PDE8A: variants seen among roughly 807,000 people sequenced by gnomAD.
PDE8A encodes the protein high affinity cAMP-specific and IBMX-insensitive 3',5'-cyclic phosphodiesterase 8A.
PDE8A carries 59 observed loss-of-function variants against 105.0 expected under a neutral mutation model. That is an observed-to-expected ratio of 0.56 (90% CI 0.46 to 0.70). The LOEUF (loss-of-function observed/expected upper bound fraction) is 0.70, where lower values mean the gene tolerates loss of function less well. PDE8A is among the 30% of genes least tolerant of loss of function. PDE8A has a pLI of 0.00. For missense variants in PDE8A, 1,014 were observed against 1,045.9 expected, an observed-to-expected ratio of 0.97 and a Z score of 0.42; for synonymous variants, 355 against 371.9, an observed-to-expected ratio of 0.95 and a Z score of 0.52.
At chr15:85,004,382 C>T (rs928097115) in intron 1 of PDE8A, among the ~76,000 whole-genome samples, 3 of 152,136 alleles carry the variant, frequency 2.0e-5, no homozygotes, top group African/African-American at 7.2e-5. Flanking sequence ...AGAAACTGTC[C>T]CAATCAGACT....
chr15:85,108,990 T>C, intron 11 of PDE8A, 63 bp from the exon 12 acceptor site: 2 of 1,171,030 alleles, frequency 1.7e-6, no homozygotes, highest in Non-Finnish European at 2.5e-6. Flanking sequence ...TTTAGATTGG[T>C]AACCTTCCTT....
At position 85,138,971 on chromosome 15, in the gene PDE8A, T is replaced by A. The variant is rs1249972729; in HGVS notation, c.*1068T>A. The A allele has an allele frequency of 6.6e-6, 1 of 152,220 alleles. No homozygotes were observed. The highest frequency in any genetic ancestry group is 1.5e-5 in the Non-Finnish European group (1 of 68,040). 9.4% of individuals were successfully genotyped at this position (152,220 alleles called of 1,614,324 possible). A position where few individuals can be genotyped will look rare whatever the true frequency, so the allele number is the denominator to read the frequency against. Reference sequence around the variant, plus strand: ...AACCTGTTTTTATCTACGGTGGGAATCTTTGATGCCAGAAATTTATAAAGA... The same window carrying A: ...AACCTGTTTTTATCTACGGTGGGAAACTTTGATGCCAGAAATTTATAAAGA... On this transcript the variant is annotated 3_prime_UTR_variant, in exon 22 of 22. Transcript: ENST00000394553.
chr15:85,015,591 C>A lies in PDE8A; in HGVS notation c.186+33243C>A, dbSNP rs375212487. ...AGCAGTGTATCAGAAAGTATTATTT[C>A]TCTACTGCCTTGCCATAGAATATTT... is the stretch of plus-strand genomic sequence containing the variant. On this transcript the variant is annotated intron_variant, in intron 1 of 21. Coordinates refer to ENST00000394553, the MANE Select transcript of PDE8A (RefSeq NM_002605.3). Among the ~76,000 whole-genome samples the A allele has an allele frequency of 4.6e-5, 7 of 152,174 alleles. No homozygotes were observed. In the East Asian group the frequency reaches 9.6e-4, roughly 21 times the overall value.
At chr15:85,099,896 T>G in intron 9 of PDE8A, 119 bp from the exon 10 acceptor site, 1 of 752,606 alleles carries the variant, frequency 1.3e-6, no homozygotes, top group Admixed American at 2.4e-5. Flanking sequence ...AGAAGAAATG[T>G]TCTCAGAGCG....
intron 1 of PDE8A, among the ~76,000 whole-genome samples, chr15:84,995,093 C>A (rs2142162335): frequency 6.6e-6 from 1 of 152,098 alleles, no homozygotes; most frequent in East Asian, 1.9e-4. Context: ...CAGTGAAATG[C>A]ACAAATATTT....
At chr15:84,993,750 G>T (rs2079930388) in intron 1 of PDE8A, among the ~76,000 whole-genome samples, 1 of 151,968 alleles carries the variant, frequency 6.6e-6, no homozygotes, top group Admixed American at 6.6e-5. Flanking sequence ...AATTAGCTGG[G>T]CATGGTGGTG....
intron 20 of PDE8A, among the ~76,000 whole-genome samples, chr15:85,134,300 C>T (rs1253966729): frequency 1.3e-5 from 2 of 152,234 alleles, no homozygotes; most frequent in Admixed American, 1.3e-4. Flanking sequence ...CCAGAGAGAG[C>T]TGGCTTAGGG....
intron 3 of PDE8A, among the ~76,000 whole-genome samples, chr15:85,075,228 C>T (rs1253431757): frequency 1.3e-5 from 2 of 152,206 alleles, no homozygotes; most frequent in Non-Finnish European, 2.9e-5. Context: ...AAGTCTTGTA[C>T]TCTTTGGGTA....
intron 5 of PDE8A, among the ~76,000 whole-genome samples, chr15:85,080,230 CT>C (rs1441674179): frequency 6.6e-6 from 1 of 152,120 alleles, no homozygotes; most frequent in Non-Finnish European, 1.5e-5. Flanking sequence ...GTGTTTCCCC[CT>C]TTTTGGACAA....
chr15:85,115,264 A>G, intron 14 of PDE8A, 175 bp from the exon 15 acceptor site: 1 of 563,814 alleles, frequency 1.8e-6, no homozygotes, highest in African/African-American at 2.0e-5. Flanking sequence ...CTCTCCAGTA[A>G]GTGACTGAGG....
chr15:85,063,169 C>T (rs897034918), intron 1 of PDE8A: 1 of 152,166 alleles, frequency 6.6e-6, no homozygotes, highest in African/African-American at 2.4e-5. Context: ...CCCATAATTA[C>T]TAGACATCAG....
chr15:85,086,488 A>G (rs1431090890), intron 6 of PDE8A, among the ~76,000 whole-genome samples: 1 of 152,244 alleles, frequency 6.6e-6, no homozygotes, highest in African/African-American at 2.4e-5. Context: ...AATCAATTGA[A>G]AAATGATCAA....
intron 1 of PDE8A, among the ~76,000 whole-genome samples, chr15:85,009,764 C>T (rs796671778): frequency 6.6e-6 from 1 of 152,170 alleles, no homozygotes; most frequent in African/African-American, 2.4e-5. Context: ...GTTCTCTCAC[C>T]ACCAGTTCTA....
intron 1 of PDE8A, among the ~76,000 whole-genome samples, chr15:85,004,193 C>T (rs936725783): frequency 1.3e-5 from 2 of 152,140 alleles, no homozygotes; most frequent in East Asian, 1.9e-4. Flanking sequence ...TCCCCTTTGC[C>T]ATGCATAATA....
intron 5 of PDE8A, among the ~76,000 whole-genome samples, chr15:85,080,898 C>T (rs2081454523): frequency 6.6e-6 from 1 of 152,208 alleles, no homozygotes; most frequent in African/African-American, 2.4e-5. Flanking sequence ...AAAAGCTTTA[C>T]AGTAGTCACT....
At chr15:85,053,226 T>C (rs957939891) in intron 1 of PDE8A, among the ~76,000 whole-genome samples, 3 of 152,242 alleles carry the variant, frequency 2.0e-5, no homozygotes, top group Non-Finnish European at 4.4e-5. Context: ...TACTGTAGCC[T>C]TGCAGTATAG....
chr15:85,092,337 TG>T, intron 8 of PDE8A, among the ~76,000 whole-genome samples: 1 of 151,928 alleles, frequency 6.6e-6, no homozygotes, highest in Admixed American at 6.6e-5. Flanking sequence ...TGTTTTTTTT[TG>T]TTTTGTTTCG....
rs2081189677 is a variant in PDE8A, at chr15:85,064,405, A to T, written c.222A>T (p.Arg74Ser). 1.9e-6 allele frequency: 3 copies of T among 1,609,470 alleles called. No homozygotes were observed. Among genetic ancestry groups the T allele is most frequent in the Non-Finnish European group, 2.6e-6 (3 of 1,176,144 alleles). ...CTGATGTGCAGTTTGGCCCCATGAG[A>T]TTTCATCAAGATCAACTTCAGGTAA... is the stretch of plus-strand genomic sequence containing the variant. ...AVADVQFGPM[R>S]FHQDQLQVLL... Residue 74 changes from arginine (R) to serine (S), a missense_variant, in exon 2 of 22, where the codon AGA becomes AGT. Arg to Ser is a moderately radical substitution (Grantham distance 110). Coordinates refer to ENST00000394553, the MANE Select transcript of PDE8A (RefSeq NM_002605.3).
chr15:85,064,441 T>A lies in PDE8A; in HGVS notation c.243+15T>A, dbSNP rs766172579. ...ATCAACTTCAGGTAATAATGAACGATGCTGTATTTTTCACATGCTGATTTT... is the reference window on the plus strand; with the variant it reads ...ATCAACTTCAGGTAATAATGAACGAAGCTGTATTTTTCACATGCTGATTTT... On this transcript the variant is annotated intron_variant, in intron 2 of 21. Coordinates refer to ENST00000394553, the MANE Select transcript of PDE8A (RefSeq NM_002605.3). 2 of 1,566,684 alleles carry A rather than the reference T, an allele frequency of 1.3e-6. No individual in the cohort carries two copies. The highest frequency in any genetic ancestry group is 4.5e-5 in the East Asian group (2 of 44,508).
Sources: gnomAD v4.1 joint callset for allele counts (sites outside exome capture counted in the v4.1 genomes callset) on GRCh38, gnomAD v4.1.1 for gene constraint, MANE v1.5 for transcripts, NCBI Gene and HGNC (gene_info 2026-07-23, HGNC 2026-07-21) for gene names.